The following MYBL2 variants were observed in gnomAD, a reference collection of about 807,000 sequenced individuals.
The protein encoded by MYBL2 is myb-related protein B.
MYBL2 carries 28 observed loss-of-function variants against 79.9 expected under a neutral mutation model. The ratio of observed to expected loss-of-function variants is 0.35; its 90% CI spans 0.26 to 0.48. The LOEUF (loss-of-function observed/expected upper bound fraction) is 0.48, where lower values mean the gene tolerates loss of function less well. MYBL2 is among the 20% of genes least tolerant of loss of function. MYBL2 has a pLI of 0.99. For synonymous variants in MYBL2, 378 were observed against 361.2 expected (o/e 1.05, Z -0.53); for missense variants, 735 against 893.9 (o/e 0.82, Z 2.27).
At chr20:43,675,313 GT>G (rs1400759244) in intron 2 of MYBL2, among the ~76,000 whole-genome samples, 1 of 150,178 alleles carries the variant, frequency 6.7e-6, no homozygotes, top group South Asian at 2.1e-4. Flanking sequence ...AGTTTGATCA[GT>G]TTTTTTTCTT....
chr20:43,683,592 C>T (rs1200791927), intron 4 of MYBL2, among the ~76,000 whole-genome samples: 7 of 133,720 alleles, frequency 5.2e-5, no homozygotes, highest in Admixed American at 8.9e-5. Context: ...CTTGCTTTGT[C>T]GCTCAGGTTA....
Position 43,702,411 on chromosome 20 carries a change from TA to T in MYBL2, c.952-76del, listed in dbSNP as rs550766897. 730 of 1,453,462 alleles carry T rather than the reference TA, an allele frequency of 5.0e-4. 13 individuals are homozygous for T. In the South Asian group the frequency reaches 8.9e-3, roughly 18 times the overall value. 90.0% of individuals were successfully genotyped at this position (1,453,462 alleles called of 1,614,324 possible). On this transcript the variant is annotated intron_variant, in intron 7 of 13. Coordinates refer to ENST00000217026, the MANE Select transcript of MYBL2 (RefSeq NM_002466.4). ...GGGCTGTGGGATCATACTTGACACT[TA>T]AATATTTCCCGTAATGAATGAGTCC...
intron 4 of MYBL2, among the ~76,000 whole-genome samples, chr20:43,685,145 C>T (rs1190707084): frequency 2.7e-4 from 10 of 36,426 alleles, no homozygotes; most frequent in Admixed American, 1.2e-3. Flanking sequence ...GAAACTCTGT[C>T]TCAAAAAAAA....
At chr20:43,715,061 G>A in intron 12 of MYBL2, 73 bp from the exon 13 acceptor site, 2 of 1,570,666 alleles carry the variant, frequency 1.3e-6, no homozygotes, top group South Asian at 1.1e-5. Flanking sequence ...GCTGGGGTGG[G>A]ATTGCGGGTT....
intron 5 of MYBL2, among the ~76,000 whole-genome samples, chr20:43,689,050 C>T (rs1271926464): frequency 6.6e-6 from 1 of 152,106 alleles, no homozygotes; most frequent in East Asian, 1.9e-4. Flanking sequence ...TTGGGCCTCC[C>T]GAAGTGCTGA....
At position 43,702,831 on chromosome 20, in the gene MYBL2, C is replaced by A; in HGVS notation, c.1293C>A (p.Ser431=). The A allele has an allele frequency of 6.2e-7, 1 of 1,613,714 alleles. No individual in the cohort carries two copies. The highest frequency in any genetic ancestry group is 1.3e-5 in the African/African-American group (1 of 75,060). The change falls in exon 8 of 14, where the codon TCC becomes TCA. Residue 431 remains serine, a synonymous_variant. Coordinates refer to ENST00000217026, the MANE Select transcript of MYBL2 (RefSeq NM_002466.4). ...SPVTENSTSL[S]FLDSCNSLTP... ...TCACTGAGAATAGCACCAGTCTGTC[C>A]TTCCTGGATTCCTGTAACAGCCTCA...
In MYBL2 at chr20:43,673,848, T is replaced by G. The variant is rs1216955904; in HGVS notation, c.63T>G (p.Asp21Glu). The change falls in exon 2 of 14, where the codon GAT (aspartate) becomes GAG (glutamate). Residue 21 changes from aspartate to glutamate, a missense_variant. Asp to Glu is a conservative substitution (Grantham distance 45). Around this residue, in one of 5 missense-constraint regions of MYBL2, gnomAD observed 79 missense variants for 86.7 expected, o/e 0.91. Transcript: ENST00000217026. ...DELHYQDTDS[D>E]VPEQRDSKCK... Reference sequence around the variant, plus strand: ...TGCACTACCAGGACACAGATTCAGATGTGCCGGAGCAGAGGGATAGCAAGT... The same window carrying G: ...TGCACTACCAGGACACAGATTCAGAGGTGCCGGAGCAGAGGGATAGCAAGT... 2.6e-6 allele frequency: 4 copies of G among 1,559,078 alleles called. No homozygotes were observed. The South Asian group carries it at 4.7e-5, about 18-fold the overall frequency.
Position 43,673,911 on chromosome 20 carries a change from G to A in MYBL2, c.114+12G>A. The A allele has an allele frequency of 1.3e-6, 2 of 1,550,200 alleles. No individual in the cohort carries two copies. The highest frequency in any genetic ancestry group is 1.4e-5 in the African/African-American group (1 of 73,116). ...GGACCCATGAGGAGGTGAGTGCCAT[G>A]GGGAAGAGAGGGTTGATGGCAGCTG... On this transcript the variant is annotated intron_variant, in intron 2 of 13. Coordinates refer to ENST00000217026, the MANE Select transcript of MYBL2 (RefSeq NM_002466.4).
Position 43,692,435 on chromosome 20 carries a change from G to A in MYBL2, c.663+116G>A, listed in dbSNP as rs939270097. 34 of 1,318,898 alleles carry A rather than the reference G, an allele frequency of 2.6e-5. 1 individual carries two copies. In the South Asian group the frequency reaches 3.9e-4, roughly 15 times the overall value. 81.7% of individuals were successfully genotyped at this position (1,318,898 alleles called of 1,614,324 possible). On this transcript the variant is annotated intron_variant, in intron 6 of 13. Coordinates refer to ENST00000217026, the MANE Select transcript of MYBL2 (RefSeq NM_002466.4). ...TTTCTGCCACAGAGTCTAAAAGTGGGCTCTGTGCTTCTGGGGCCTTGTGAG... is the reference window on the plus strand; with the variant it reads ...TTTCTGCCACAGAGTCTAAAAGTGGACTCTGTGCTTCTGGGGCCTTGTGAG...
At chr20:43,701,023 G>T (rs1368521819) in intron 7 of MYBL2, among the ~76,000 whole-genome samples, 2 of 152,146 alleles carry the variant, frequency 1.3e-5, no homozygotes, top group Non-Finnish European at 2.9e-5. Flanking sequence ...TAGGCTCTTA[G>T]TTGGTCTTTA....
At chr20:43,675,473 C>A (rs186548253) in intron 2 of MYBL2, among the ~76,000 whole-genome samples, 9 of 152,032 alleles carry the variant, frequency 5.9e-5, no homozygotes, top group African/African-American at 1.9e-4. Context: ...GCCATCATGC[C>A]CAGCTAATTC....
chr20:43,711,455 G>C, intron 10 of MYBL2, 33 bp from the exon 11 acceptor site: 1 of 1,550,006 alleles, frequency 6.5e-7, no homozygotes, highest in Non-Finnish European at 8.9e-7. Flanking sequence ...CGAGTGTGGT[G>C]CCTCACGTGG....
At chr20:43,700,961 T>C (rs1987663746) in intron 7 of MYBL2, among the ~76,000 whole-genome samples, 1 of 152,182 alleles carries the variant, frequency 6.6e-6, no homozygotes, top group African/African-American at 2.4e-5. Context: ...TTACAGTACC[T>C]AACATTGGAG....
At chr20:43,672,083 C>T (rs187589832) in intron 1 of MYBL2, among the ~76,000 whole-genome samples, 16 of 151,980 alleles carry the variant, frequency 1.1e-4, no homozygotes, top group African/African-American at 3.1e-4. Context: ...CGGTGGCAGG[C>T]GTCTGTAATC....
At chr20:43,684,607 C>A (rs1987224083) in intron 4 of MYBL2, among the ~76,000 whole-genome samples, 1 of 150,180 alleles carries the variant, frequency 6.7e-6, no homozygotes, top group Non-Finnish European at 1.5e-5. Flanking sequence ...AACTACAGGG[C>A]TCAAGCTATC....
At chr20:43,715,832 G>C (rs1600569509) in intron 13 of MYBL2, 127 bp from the exon 14 acceptor site, 5 of 1,298,222 alleles carry the variant, frequency 3.9e-6, no homozygotes, top group Non-Finnish European at 5.2e-6. Context: ...TGTGGAGAGA[G>C]AATAAGAAGG....
intron 6 of MYBL2, among the ~76,000 whole-genome samples, chr20:43,693,047 T>A (rs947960856): frequency 1.3e-5 from 2 of 152,218 alleles, no homozygotes; most frequent in South Asian, 4.1e-4. Context: ...AGGCTGTTTT[T>A]TTTGAGACAG....
In MYBL2 at chr20:43,692,413, C is replaced by T. The variant is rs370355319; in HGVS notation, c.663+94C>T. 1.4e-4 allele frequency: 218 copies of T among 1,504,272 alleles called. 1 individual carries two copies. The African/African-American group carries it at 2.6e-3, about 18-fold the overall frequency. The allele number at this position is 1,504,272 out of a possible 1,614,324, so 93.2% of individuals were successfully genotyped here. On this transcript the variant is annotated intron_variant, in intron 6 of 13. Transcript: ENST00000217026. ...CTTGTCCACAGCTATTGGTCAGTTT[C>T]TGCCACAGAGTCTAAAAGTGGGCTC...
At chr20:43,708,556 T>C (rs2145733227) in intron 9 of MYBL2, among the ~76,000 whole-genome samples, 1 of 152,180 alleles carries the variant, frequency 6.6e-6, no homozygotes. Flanking sequence ...CCATAGCCTC[T>C]GGAGTAGTTG....
Sources: allele counts gnomAD v4.1 joint callset (sites outside exome capture counted in the v4.1 genomes callset), GRCh38; gene constraint gnomAD v4.1.1; regional missense constraint gnomAD v4.1.1; transcripts MANE v1.5; gene names NCBI Gene and HGNC (gene_info 2026-07-23, HGNC 2026-07-21).